The following SEC24B variants were observed in gnomAD, a reference collection of about 807,000 sequenced individuals.
SEC24B encodes the protein protein transport protein Sec24B.
Under a neutral mutation model 142.8 loss-of-function variants are expected in SEC24B, and 45 were observed. The observed-to-expected ratio is 0.32, with a 90% CI of 0.25 to 0.40. SEC24B has a LOEUF of 0.40. Among genes scored for constraint, SEC24B ranks in the 10% least tolerant of loss-of-function variants. SEC24B has a pLI of 1.00. For missense variants in SEC24B, 1,409 were observed against 1,526.8 expected (o/e 0.92, Z 1.29); for synonymous variants, 574 against 568.2 (o/e 1.01, Z -0.15).
chr4:109,456,683 T>C (rs1509314), intron 1 of SEC24B, among the ~76,000 whole-genome samples: 104,127 of 152,154 alleles, frequency 0.68, 40,751 homozygotes, highest in East Asian at 0.88. Context: ...TCTGTTAATA[T>C]GTTGAATCAC....
At chr4:109,538,461 G>C (rs773371420) in intron 22 of SEC24B, 32 bp from the exon 23 acceptor site, 12 of 1,467,298 alleles carry the variant, frequency 8.2e-6, no homozygotes, top group Admixed American at 5.0e-5. Context: ...CTATGAGAAA[G>C]GAAAGTTTCC....
In SEC24B at chr4:109,444,404, T is replaced by A. The variant is rs553965320; in HGVS notation, c.133+10402T>A. On this transcript the variant is annotated intron_variant, in intron 1 of 23. Transcript: ENST00000265175. ...GAATTAGAGGGAAGTGAAAGTAGAA[T>A]AAAGGGAAGTCAGGTAGAGAATTTT... Among the ~76,000 whole-genome samples, 98 of 147,972 alleles carry A rather than the reference T, an allele frequency of 6.6e-4. 1 individual carries two copies. The highest frequency in any genetic ancestry group is 3.5e-3 in the Middle Eastern group (1 of 288).
At chr4:109,510,562 T>TTAA in intron 8 of SEC24B, among the ~76,000 whole-genome samples, 1 of 152,170 alleles carries the variant, frequency 6.6e-6, no homozygotes, top group Non-Finnish European at 1.5e-5. Flanking sequence ...GGAAGGTAGA[T>TTAA]ACACTTTCGG....
intron 1 of SEC24B, among the ~76,000 whole-genome samples, chr4:109,444,459 A>T (rs1279606072): frequency 6.9e-6 from 1 of 145,824 alleles, no homozygotes; most frequent in Non-Finnish European, 1.5e-5. Context: ...ATATGCCCTA[A>T]AGAGATCCTG....
At chr4:109,452,391 A>G (rs1313426993) in intron 1 of SEC24B, among the ~76,000 whole-genome samples, 1 of 152,232 alleles carries the variant, frequency 6.6e-6, no homozygotes, top group East Asian at 1.9e-4. Context: ...ACATTCATGT[A>G]CTGGCTTCTG....
chr4:109,523,986 ATAAG>A (rs2126078539), intron 14 of SEC24B, among the ~76,000 whole-genome samples: 1 of 152,312 alleles, frequency 6.6e-6, no homozygotes, highest in East Asian at 1.9e-4. Context: ...TAATTTTAAA[ATAAG>A]TATGTATTTT....
chr4:109,529,252 A>C (rs1253656094), intron 18 of SEC24B, among the ~76,000 whole-genome samples: 1 of 152,086 alleles, frequency 6.6e-6, no homozygotes, highest in Non-Finnish European at 1.5e-5. Context: ...TTTATTTCTT[A>C]ATTTTAACTT....
At chr4:109,468,587 T>C (rs959555837) in intron 2 of SEC24B, among the ~76,000 whole-genome samples, 3 of 152,236 alleles carry the variant, frequency 2.0e-5, no homozygotes, top group Non-Finnish European at 4.4e-5. Context: ...TTCAGAACTT[T>C]CTTCTGTGAA....
intron 1 of SEC24B, chr4:109,449,340 C>G: frequency 2.9e-6 from 1 of 349,652 alleles, no homozygotes; most frequent in South Asian, 2.1e-5. Context: ...CCTCCCACCT[C>G]AGCCTCCCAA....
intron 22 of SEC24B, among the ~76,000 whole-genome samples, chr4:109,537,456 A>G (rs1725682736): frequency 6.6e-6 from 1 of 152,238 alleles, no homozygotes; most frequent in Non-Finnish European, 1.5e-5. Context: ...AGTATTAAAT[A>G]ATAGCTGTGC....
intron 4 of SEC24B, among the ~76,000 whole-genome samples, chr4:109,488,243 A>G (rs1375099297): frequency 6.6e-6 from 1 of 152,134 alleles, no homozygotes; most frequent in African/African-American, 2.4e-5. Flanking sequence ...TAGAAACTTC[A>G]TATGTTTTAG....
At chr4:109,502,949 T>C (rs1305433174) in intron 6 of SEC24B, among the ~76,000 whole-genome samples, 1 of 152,190 alleles carries the variant, frequency 6.6e-6, no homozygotes, top group Non-Finnish European at 1.5e-5. Flanking sequence ...TTTGTGTTTG[T>C]GTATTGTAAT....
intron 8 of SEC24B, among the ~76,000 whole-genome samples, chr4:109,511,316 C>T (rs1172382240): frequency 1.3e-5 from 2 of 151,476 alleles, no homozygotes; most frequent in African/African-American, 4.9e-5. Context: ...TGGTTACTTG[C>T]ATAATAATAA....
chr4:109,531,326 T>C, intron 19 of SEC24B, 59 bp from the exon 20 acceptor site: 1 of 1,423,244 alleles, frequency 7.0e-7, no homozygotes, highest in South Asian at 1.2e-5. Context: ...TATATTTGTT[T>C]TAATATTTGT....
intron 6 of SEC24B, 50 bp from the exon 7 acceptor site, chr4:109,506,278 T>G: frequency 7.4e-7 from 1 of 1,346,376 alleles, no homozygotes. Context: ...TATAAGAAAA[T>G]TTATTTATGT....
intron 14 of SEC24B, among the ~76,000 whole-genome samples, chr4:109,524,600 T>C (rs1308915320): frequency 6.6e-6 from 1 of 152,162 alleles, no homozygotes; most frequent in Non-Finnish European, 1.5e-5. Flanking sequence ...AGATGTGTTA[T>C]GAAAATTAAT....
intron 4 of SEC24B, among the ~76,000 whole-genome samples, chr4:109,486,039 T>C (rs1330484416): frequency 6.6e-6 from 1 of 152,168 alleles, no homozygotes; most frequent in Non-Finnish European, 1.5e-5. Flanking sequence ...GTATCTGTCT[T>C]GTTTTGTTTT....
chr4:109,441,475 G>T (rs1388565968), intron 1 of SEC24B, among the ~76,000 whole-genome samples: 3 of 152,152 alleles, frequency 2.0e-5, no homozygotes, highest in African/African-American at 7.2e-5. Flanking sequence ...TTGTCACCCA[G>T]GCTGGAGTGC....
At chr4:109,532,573 C>A in intron 20 of SEC24B, 66 bp from the exon 21 acceptor site, 3 of 1,181,290 alleles carry the variant, frequency 2.5e-6, no homozygotes, top group South Asian at 1.3e-5. Context: ...GGGTTAGTGA[C>A]CATTAGCTCC....
Sources: allele counts gnomAD v4.1 joint callset (sites outside exome capture counted in the v4.1 genomes callset), GRCh38; gene constraint gnomAD v4.1.1; transcripts MANE v1.5; gene names NCBI Gene and HGNC (gene_info 2026-07-23, HGNC 2026-07-21).